PPP4R3B: variants seen among roughly 807,000 people sequenced by gnomAD.
PPP4R3B encodes the protein protein phosphatase 4 regulatory subunit 3B, also known as serine/threonine-protein phosphatase 4 regulatory subunit 3B.
In PPP4R3B, 52 loss-of-function variants were observed where a neutral mutation model predicts 95.4. The ratio of observed to expected loss-of-function variants is 0.54; its 90% confidence interval spans 0.44 to 0.69. The LOEUF is 0.69. Among genes scored for constraint, PPP4R3B ranks in the 30% least tolerant of loss-of-function variants. The pLI, the probability that PPP4R3B is intolerant of heterozygous loss-of-function variation, is 0.00. For synonymous variants in PPP4R3B, 407 were observed against 343.9 expected (o/e 1.18, Z -2.03); for missense variants, 1,003 against 1,005.9 (o/e 1.00, Z 0.04).
intron 2 of PPP4R3B, among the ~76,000 whole-genome samples, chr2:55,608,179 AT>A (rs1314011657): frequency 6.6e-6 from 1 of 151,984 alleles, no homozygotes; most frequent in East Asian, 1.9e-4. Flanking sequence ...TAATTTTTGT[AT>A]TTTTAGTAGA....
chr2:55,614,760 G>T (rs958357863), intron 2 of PPP4R3B: 9 of 151,990 alleles, frequency 5.9e-5, no homozygotes, highest in Non-Finnish European at 1.3e-4. Context: ...TAAATCTGGT[G>T]GTGTTACAGT....
rs1211646908 is a variant in PPP4R3B at position 55,579,657 on chromosome 2, CAGAT to C, written c.1468+18_1468+21del. 6.2e-6 allele frequency: 9 copies of C among 1,453,864 alleles called. No homozygotes were observed. Among genetic ancestry groups the C allele is most frequent in the Non-Finnish European group, 8.3e-6 (9 of 1,083,622 alleles). The allele number at this position is 1,453,864 out of a possible 1,614,324, so 90.1% of individuals were successfully genotyped here. A position where few individuals can be genotyped will look rare whatever the true frequency, so the allele number is the denominator to read the frequency against. ...CCTTCTTTAAAAACAGAAATCACAG[CAGAT>C]AAATAAAGAGACCCTACCCTTTTCA... On this transcript the variant is annotated intron_variant, in intron 9 of 16. Coordinates refer to ENST00000616407, the MANE Select transcript of PPP4R3B (RefSeq NM_001122964.3).
chr2:55,594,585 C>T lies in PPP4R3B; in HGVS notation c.921+3831G>A, dbSNP rs530690712. Among the ~76,000 whole-genome samples, 32 of 152,130 alleles carry T rather than the reference C, an allele frequency of 2.1e-4. No homozygotes were observed. In the East Asian group the frequency reaches 5.0e-3, roughly 24 times the overall value. On this transcript the variant is annotated intron_variant, in intron 4 of 16. Coordinates refer to ENST00000616407, the MANE Select transcript of PPP4R3B (RefSeq NM_001122964.3). ...TTTTCTGAATATAAAAAAGTATTTACGATTTACTAGTATGAATTTGGAAAC... is the reference window on the plus strand; with the variant it reads ...TTTTCTGAATATAAAAAAGTATTTATGATTTACTAGTATGAATTTGGAAAC...
At chr2:55,585,396 A>C (rs1574810420) in intron 6 of PPP4R3B, among the ~76,000 whole-genome samples, 1 of 152,332 alleles carries the variant, frequency 6.6e-6, no homozygotes, top group Non-Finnish European at 1.5e-5. Context: ...ACTGCAAATA[A>C]ATATACAGAG....
intron 16 of PPP4R3B, among the ~76,000 whole-genome samples, chr2:55,551,619 C>T (rs1232271374): frequency 3.3e-5 from 5 of 151,928 alleles, no homozygotes; most frequent in Non-Finnish European, 4.4e-5. Context: ...GGAGTGGTGG[C>T]GCATGCCTGT....
intron 11 of PPP4R3B, among the ~76,000 whole-genome samples, chr2:55,574,632 C>T (rs1388217248): frequency 1.3e-5 from 2 of 150,194 alleles, no homozygotes; most frequent in South Asian, 2.1e-4. Context: ...CTTGCTCTGT[C>T]GCCCAGGCTG....
At position 55,560,121 on chromosome 2, in the gene PPP4R3B, C is replaced by CA. The variant is rs1373583224; in HGVS notation, c.2261-1154dup. Among the ~76,000 whole-genome samples the CA allele has an allele frequency of 6.7e-5, 10 of 150,096 alleles. No homozygotes were observed. In the South Asian group the frequency reaches 1.5e-3, roughly 22 times the overall value. Reference sequence around the variant, plus strand: ...TGGATGACAGAATAAGACTCCATCTCAAAAAAAAAGATACCTGAAAATGTG... The same window carrying CA: ...TGGATGACAGAATAAGACTCCATCTCAAAAAAAAAAGATACCTGAAAATGTG... On this transcript the variant is annotated intron_variant, in intron 15 of 16. Coordinates refer to ENST00000616407, the MANE Select transcript of PPP4R3B (RefSeq NM_001122964.3).
intron 14 of PPP4R3B, 144 bp downstream of exon 14, chr2:55,564,758 G>T (rs967342469): frequency 2.3e-5 from 20 of 885,250 alleles, no homozygotes; most frequent in Non-Finnish European, 3.2e-5. Flanking sequence ...TGGGGTAGGG[G>T]GGACGCCTTA....
In PPP4R3B at chr2:55,617,321, C is replaced by A; in HGVS notation, c.-36G>T. The A allele has an allele frequency of 6.5e-7, 1 of 1,541,360 alleles. No individual in the cohort carries two copies. The highest frequency in any genetic ancestry group is 8.8e-7 in the Non-Finnish European group (1 of 1,138,712). ...GTCTCCACCGCTCTAGCCGCCGCCT[C>A]CTCGCTTACCTCGTCCGCGCTCCTC... is the stretch of plus-strand genomic sequence containing the variant. On this transcript the variant is annotated 5_prime_UTR_variant, in exon 1 of 17. Transcript: ENST00000616407.
chr2:55,578,998 G>C (rs1430788465), intron 9 of PPP4R3B, among the ~76,000 whole-genome samples: 1 of 152,012 alleles, frequency 6.6e-6, no homozygotes, highest in Non-Finnish European at 1.5e-5. Flanking sequence ...GTTGAATATA[G>C]AAGGACTCAA....
chr2:55,615,199 A>G lies in PPP4R3B; in HGVS notation c.198+252T>C, dbSNP rs1694720356. Reference sequence around the variant, plus strand: ...TACAAGGTATAGAAGAGACTTGGCTAACTACAGTTAAATAATACTAATAAA... The same window carrying G: ...TACAAGGTATAGAAGAGACTTGGCTGACTACAGTTAAATAATACTAATAAA... On this transcript the variant is annotated intron_variant, in intron 2 of 16. Transcript: ENST00000616407. 4 of 401,942 alleles carry G rather than the reference A, an allele frequency of 1.0e-5. No homozygotes were observed. In the East Asian group the frequency reaches 2.2e-4, roughly 22 times the overall value. 24.9% of individuals were successfully genotyped at this position (401,942 alleles called of 1,614,324 possible).
intron 12 of PPP4R3B, among the ~76,000 whole-genome samples, chr2:55,569,176 G>A (rs752473892): frequency 6.6e-6 from 1 of 152,216 alleles, no homozygotes; most frequent in East Asian, 1.9e-4. Flanking sequence ...CCAAAAGACC[G>A]GACAGGGCCA....
At chr2:55,565,310 GTATA>G (rs151277909) in intron 13 of PPP4R3B, among the ~76,000 whole-genome samples, 154 of 145,082 alleles carry the variant, frequency 1.1e-3, no homozygotes, top group African/African-American at 3.2e-3. Context: ...TCTATTTTTT[GTATA>G]TATATATATA....
intron 5 of PPP4R3B, among the ~76,000 whole-genome samples, chr2:55,588,361 A>G (rs1690454836): frequency 6.6e-6 from 1 of 151,970 alleles, no homozygotes; most frequent in Non-Finnish European, 1.5e-5. Flanking sequence ...TAAAAATACA[A>G]AATTAGCCGG....
At chr2:55,590,091 G>A (rs1033523196) in intron 4 of PPP4R3B, among the ~76,000 whole-genome samples, 1 of 150,500 alleles carries the variant, frequency 6.6e-6, no homozygotes, top group African/African-American at 2.4e-5. Context: ...ACTTTGGGAG[G>A]CTGAGGCGGG....
chr2:55,570,175 T>C (rs1574735229), intron 12 of PPP4R3B, among the ~76,000 whole-genome samples: 1 of 152,076 alleles, frequency 6.6e-6, no homozygotes, highest in Non-Finnish European at 1.5e-5. Context: ...ACTTGAACCC[T>C]GGAGGTGGAG....
chr2:55,576,024 C>A (rs1164047617), intron 11 of PPP4R3B, among the ~76,000 whole-genome samples: 2 of 151,254 alleles, frequency 1.3e-5, no homozygotes, highest in Non-Finnish European at 2.9e-5. Flanking sequence ...AGTACCACAG[C>A]CAAAATTTGA....
intron 2 of PPP4R3B, among the ~76,000 whole-genome samples, chr2:55,610,557 T>G (rs545745245): frequency 6.6e-6 from 1 of 152,338 alleles, no homozygotes; most frequent in East Asian, 1.9e-4. Flanking sequence ...ATTAACCTCT[T>G]CCTTAATTTT....
chr2:55,553,531 A>C (rs1303169868), intron 16 of PPP4R3B, among the ~76,000 whole-genome samples: 1 of 152,172 alleles, frequency 6.6e-6, no homozygotes, highest in African/African-American at 2.4e-5. Flanking sequence ...CAAGTTACGT[A>C]ATCACCACCA....
Sources: allele counts gnomAD v4.1 joint callset (sites outside exome capture counted in the v4.1 genomes callset), GRCh38; gene constraint gnomAD v4.1.1; transcripts MANE v1.5; gene names NCBI Gene and HGNC (gene_info 2026-07-23, HGNC 2026-07-21).